ARNT2: variants seen among roughly 807,000 people sequenced by gnomAD.
ARNT2 encodes the protein ARNT protein 2.
ARNT2 carries 36 observed loss-of-function variants against 91.7 expected under a neutral mutation model. The observed-to-expected ratio is 0.39, with a 90% confidence interval of 0.30 to 0.52. ARNT2 has a LOEUF of 0.52. Among genes scored for constraint, ARNT2 ranks in the 20% least tolerant of loss-of-function variants. The pLI is 0.72. For missense variants in ARNT2, 775 were observed against 939.3 expected (o/e 0.83, Z 2.29); for synonymous variants, 365 against 347.1 (o/e 1.05, Z -0.57).
At chr15:80,457,348 A>G (rs1211959395) in intron 2 of ARNT2, among the ~76,000 whole-genome samples, 1 of 152,204 alleles carries the variant, frequency 6.6e-6, no homozygotes, top group Non-Finnish European at 1.5e-5. Context: ...CCTGGATTTA[A>G]TAGGGCAAAG....
At chr15:80,514,274 C>A in intron 7 of ARNT2, 46 bp from the exon 8 acceptor site, 2 of 1,595,570 alleles carry the variant, frequency 1.3e-6, no homozygotes, top group Non-Finnish European at 1.7e-6. Context: ...ACATCCTTGC[C>A]TCACCCTCAT....
At chr15:80,498,935 G>A (rs1897155380) in intron 5 of ARNT2, among the ~76,000 whole-genome samples, 1 of 152,172 alleles carries the variant, frequency 6.6e-6, no homozygotes, top group Non-Finnish European at 1.5e-5. Context: ...AAGTAGTACA[G>A]GCTCTGCAGT....
chr15:80,407,948 G>A (rs944360127), intron 1 of ARNT2, among the ~76,000 whole-genome samples: 1 of 152,180 alleles, frequency 6.6e-6, no homozygotes, highest in Admixed American at 6.5e-5. Flanking sequence ...TAGGAATTAA[G>A]CATTATGTGG....
intron 15 of ARNT2, among the ~76,000 whole-genome samples, chr15:80,578,612 G>A (rs6495508): frequency 0.24 from 35,668 of 151,400 alleles, 5,479 homozygotes; most frequent in African/African-American, 0.43. Flanking sequence ...GGGTAACGCT[G>A]TTGTCATAGA....
At chr15:80,574,937 C>T in intron 13 of ARNT2, 50 bp from the exon 14 acceptor site, 1 of 1,597,690 alleles carries the variant, frequency 6.3e-7, no homozygotes, top group South Asian at 1.1e-5. Flanking sequence ...GACGCATGTT[C>T]TGTGCCTTAC....
intron 17 of ARNT2, among the ~76,000 whole-genome samples, chr15:80,587,295 C>T (rs149598782): frequency 1.4e-4 from 22 of 151,990 alleles, no homozygotes; most frequent in African/African-American, 5.3e-4. Context: ...GGGGCTATCT[C>T]TTCCTTATAG....
intron 1 of ARNT2, chr15:80,441,415 G>T: frequency 1.0e-6 from 1 of 981,966 alleles, no homozygotes; most frequent in Non-Finnish European, 1.2e-6. Flanking sequence ...TCTGTGAAGA[G>T]AATTGTTCTA....
Position 80,475,049 on chromosome 15 carries a change from CT to C in ARNT2, c.449del (p.Leu150ArgfsTer11). 1 of 1,614,178 alleles carries C rather than the reference CT, an allele frequency of 6.2e-7. No homozygotes were observed. The highest frequency in any genetic ancestry group is 8.5e-7 in the Non-Finnish European group (1 of 1,180,050). ...CATCCTTGAAGCAGCTGATGGATTT[CT>C]GTTTGTGGTGGCTGCTGAGACAGGG... is the stretch of plus-strand genomic sequence containing the variant. ...HLILEAADGF[L>X]FVVAAETGRV... On this transcript the variant is annotated frameshift_variant, in exon 5 of 19. Transcript: ENST00000303329. LOFTEE classifies it high-confidence loss of function.
rs1045578825 is a variant in ARNT2, at chr15:80,514,155, A to T, written c.792-165A>T. On this transcript the variant is annotated intron_variant, in intron 7 of 18. Coordinates refer to ENST00000303329, the MANE Select transcript of ARNT2 (RefSeq NM_014862.4). ...GGGAGTTGGGTGGAATTTATTTTTG[A>T]TTTTCAGACCATGTGGGAGGAAGGA... Among the ~76,000 whole-genome samples, 15 of 152,276 alleles carry T rather than the reference A, an allele frequency of 9.9e-5. 2 individuals are homozygous for T. Among genetic ancestry groups the T allele is most frequent in the Admixed American group, 2.0e-4 (3 of 15,290 alleles).
chr15:80,562,719 G>A, intron 11 of ARNT2: 1 of 270,166 alleles, frequency 3.7e-6, no homozygotes, highest in Non-Finnish European at 7.1e-6. Context: ...GGGGGTGAGT[G>A]GAGAGCACCA....
intron 6 of ARNT2, among the ~76,000 whole-genome samples, chr15:80,509,300 G>C (rs745604431): frequency 9.2e-5 from 14 of 152,010 alleles, no homozygotes; most frequent in Non-Finnish European, 1.8e-4. Flanking sequence ...AAATTATCTG[G>C]ATGTGGTGGC....
In ARNT2 at chr15:80,477,203, T is replaced by G. The variant is rs139136570; in HGVS notation, c.622+1980T>G. On this transcript the variant is annotated intron_variant, in intron 5 of 18. Coordinates refer to ENST00000303329, the MANE Select transcript of ARNT2 (RefSeq NM_014862.4). ...GTGAGCCAATTAAACCTCTTTTCTT[T>G]GTGAATTACCCAGTCTCAGGTATTT... 6.6e-3 allele frequency among the ~76,000 whole-genome samples: 1,011 copies of G among 152,326 alleles called. 7 individuals carry two copies. The highest frequency in any genetic ancestry group is 0.023 in the African/African-American group (952 of 41,582).
intron 6 of ARNT2, among the ~76,000 whole-genome samples, chr15:80,510,636 C>T (rs1040730632): frequency 5.9e-5 from 9 of 151,998 alleles, no homozygotes; most frequent in Non-Finnish European, 1.2e-4. Context: ...CAAGACTATC[C>T]TGGCCAACAT....
chr15:80,562,813 A>C (rs920660663), intron 11 of ARNT2: 2 of 466,922 alleles, frequency 4.3e-6, no homozygotes, highest in Non-Finnish European at 7.7e-6. Flanking sequence ...TAAAAGCTAA[A>C]TTAAAAGTTC....
In ARNT2 at chr15:80,576,775, G is replaced by A. The variant is rs779033253; in HGVS notation, c.1514-91G>A. The A allele has an allele frequency of 1.5e-5, 20 of 1,374,466 alleles. 1 individual carries two copies. In the South Asian group the frequency reaches 1.7e-4, roughly 11 times the overall value. 85.1% of individuals were successfully genotyped at this position (1,374,466 alleles called of 1,614,324 possible). On this transcript the variant is annotated intron_variant, in intron 14 of 18. Coordinates refer to ENST00000303329, the MANE Select transcript of ARNT2 (RefSeq NM_014862.4). The stretch of plus-strand genomic sequence containing the variant: ...CTGACTTGTGTCCTCCCGTTCCCAC[G>A]CCCACCCCTGCACCTCTTCTTGGGG...
intron 3 of ARNT2, among the ~76,000 whole-genome samples, chr15:80,460,645 A>G (rs1423325578): frequency 6.6e-6 from 1 of 152,148 alleles, no homozygotes; most frequent in East Asian, 1.9e-4. Flanking sequence ...TTCCCCCCAC[A>G]CAAAGTCACG....
At chr15:80,413,263 C>T (rs958267194) in intron 1 of ARNT2, among the ~76,000 whole-genome samples, 1 of 152,204 alleles carries the variant, frequency 6.6e-6, no homozygotes, top group Non-Finnish European at 1.5e-5. Flanking sequence ...CACCCCCTCC[C>T]TTACCAATTC....
intron 1 of ARNT2, among the ~76,000 whole-genome samples, chr15:80,421,723 G>A (rs1895864113): frequency 6.6e-6 from 1 of 152,152 alleles, no homozygotes; most frequent in Non-Finnish European, 1.5e-5. Flanking sequence ...TTTTGAGGAA[G>A]GTGCACCTTT....
At chr15:80,546,561 G>A (rs1897994030) in intron 8 of ARNT2, among the ~76,000 whole-genome samples, 1 of 152,244 alleles carries the variant, frequency 6.6e-6, no homozygotes, top group Non-Finnish European at 1.5e-5. Context: ...TGAAAGACCT[G>A]TGAGACTGAG....
Sources: allele counts gnomAD v4.1 joint callset (sites outside exome capture counted in the v4.1 genomes callset), GRCh38; gene constraint gnomAD v4.1.1; transcripts MANE v1.5; gene names NCBI Gene and HGNC (gene_info 2026-07-23, HGNC 2026-07-21).